BMP6: variants seen among roughly 807,000 people sequenced by gnomAD.
BMP6 encodes VG-1-R.
In BMP6, 17 loss-of-function variants were observed where a neutral mutation model predicts 54.1. The observed-to-expected ratio is 0.31, with a 90% confidence interval of 0.22 to 0.47. BMP6 has a LOEUF of 0.47. Ranked by LOEUF, BMP6 falls within the 20% of genes least tolerant of loss-of-function variation. The pLI is 1.00. For synonymous variants in BMP6, 328 were observed against 291.2 expected, an observed-to-expected ratio of 1.13 and a Z score of -1.28; for missense variants, 720 against 690.4, an observed-to-expected ratio of 1.04 and a Z score of -0.48.
intron 1 of BMP6, among the ~76,000 whole-genome samples, chr6:7,806,615 A>AC (rs1454636292): frequency 6.6e-6 from 1 of 152,040 alleles, no homozygotes; most frequent in Non-Finnish European, 1.5e-5. Context: ...ACAAAAAAAA[A>AC]CAAGTGATTT....
intron 1 of BMP6, among the ~76,000 whole-genome samples, chr6:7,741,235 C>CA (rs747664683): frequency 4.6e-5 from 7 of 152,166 alleles, no homozygotes; most frequent in Non-Finnish European, 8.8e-5. Flanking sequence ...CATTTGGGGC[C>CA]AAATGACAGG....
intron 3 of BMP6, among the ~76,000 whole-genome samples, chr6:7,861,855 C>CA (rs1422193992): frequency 1.3e-5 from 2 of 152,162 alleles, no homozygotes; most frequent in African/African-American, 4.8e-5. Flanking sequence ...GATGGGAGGA[C>CA]AGCTTTTCTA....
At chr6:7,798,509 T>C (rs1159195852) in intron 1 of BMP6, among the ~76,000 whole-genome samples, 1 of 152,210 alleles carries the variant, frequency 6.6e-6, no homozygotes, top group Non-Finnish European at 1.5e-5. Flanking sequence ...TCTCACATCA[T>C]TTTTGCAAAT....
At chr6:7,827,845 T>C (rs1758723344) in intron 1 of BMP6, among the ~76,000 whole-genome samples, 1 of 152,250 alleles carries the variant, frequency 6.6e-6, no homozygotes, top group Non-Finnish European at 1.5e-5. Flanking sequence ...ATCATTCTCG[T>C]CATCTGTGAG....
chr6:7,738,436 C>T (rs1761994627), intron 1 of BMP6, among the ~76,000 whole-genome samples: 1 of 152,204 alleles, frequency 6.6e-6, no homozygotes, highest in Non-Finnish European at 1.5e-5. Context: ...CCCCTTGGCT[C>T]TCCTCCCTCC....
At chr6:7,744,714 A>G (rs1290004852) in intron 1 of BMP6, among the ~76,000 whole-genome samples, 5 of 152,168 alleles carry the variant, frequency 3.3e-5, no homozygotes, top group African/African-American at 1.2e-4. Context: ...TGCCCTGAGC[A>G]TGGGTGGTCC....
chr6:7,826,636 A>G (rs188469367), intron 1 of BMP6, among the ~76,000 whole-genome samples: 3 of 152,324 alleles, frequency 2.0e-5, no homozygotes, highest in East Asian at 3.9e-4. Flanking sequence ...GGTTTGAACA[A>G]TCACCTGTGA....
At chr6:7,837,733 C>T (rs1455922975) in intron 1 of BMP6, among the ~76,000 whole-genome samples, 1 of 152,038 alleles carries the variant, frequency 6.6e-6, no homozygotes, top group Non-Finnish European at 1.5e-5. Flanking sequence ...TCCGAACCCA[C>T]CACTAAAAAA....
At chr6:7,796,891 A>G (rs1007109689) in intron 1 of BMP6, among the ~76,000 whole-genome samples, 5 of 152,188 alleles carry the variant, frequency 3.3e-5, no homozygotes, top group African/African-American at 1.2e-4. Context: ...AGCTATTCAA[A>G]TCTTTCTGGA....
At chr6:7,798,114 G>A (rs1758217431) in intron 1 of BMP6, among the ~76,000 whole-genome samples, 1 of 152,178 alleles carries the variant, frequency 6.6e-6, no homozygotes, top group African/African-American at 2.4e-5. Flanking sequence ...GTTTGGTGGG[G>A]TGTGAAGTAC....
chr6:7,800,014 T>C (rs537756482), intron 1 of BMP6, among the ~76,000 whole-genome samples: 43 of 152,240 alleles, frequency 2.8e-4, no homozygotes, highest in Admixed American at 2.2e-3. Flanking sequence ...GAGTTGTTTA[T>C]ATTAACTTTA....
At chr6:7,762,918 C>T (rs1434978519) in intron 1 of BMP6, among the ~76,000 whole-genome samples, 2 of 152,238 alleles carry the variant, frequency 1.3e-5, no homozygotes, top group African/African-American at 4.8e-5. Flanking sequence ...GTCCGTTTTG[C>T]AATGACGGTA....
At chr6:7,763,008 GC>G (rs1757637908) in intron 1 of BMP6, among the ~76,000 whole-genome samples, 1 of 152,230 alleles carries the variant, frequency 6.6e-6, no homozygotes, top group Non-Finnish European at 1.5e-5. Context: ...TGCGGCAGGC[GC>G]CCAGCTCTCC....
At chr6:7,850,176 T>C (rs1010921349) in intron 2 of BMP6, among the ~76,000 whole-genome samples, 2 of 152,160 alleles carry the variant, frequency 1.3e-5, no homozygotes, top group Admixed American at 1.3e-4. Context: ...AGAGTCTCGC[T>C]CTGTTGCCCA....
chr6:7,764,342 A>G (rs1757655047), intron 1 of BMP6, among the ~76,000 whole-genome samples: 2 of 152,218 alleles, frequency 1.3e-5, no homozygotes, highest in African/African-American at 4.8e-5. Flanking sequence ...CTAATTTTAA[A>G]ATAATCTGCA....
At chr6:7,869,001 T>G (rs540551334) in intron 4 of BMP6, among the ~76,000 whole-genome samples, 30 of 152,324 alleles carry the variant, frequency 2.0e-4, no homozygotes, top group African/African-American at 7.0e-4. Flanking sequence ...CCTCCTCTAC[T>G]GAAGTTGCAA....
Position 7,861,449 on chromosome 6 carries a change from A to T in BMP6, c.858-2A>T. 1 of 1,613,286 alleles carries T rather than the reference A, an allele frequency of 6.2e-7. No individual in the cohort carries two copies. Among genetic ancestry groups the T allele is most frequent in the Non-Finnish European group, 8.5e-7 (1 of 1,179,732 alleles). The stretch of plus-strand genomic sequence containing the variant: ...TACCAGGCCATTTTTTCTTTCTTTC[A>T]GAGACTCTGACCTGTTTTTGTTGGA... On this transcript the variant is annotated splice_acceptor_variant, in intron 2 of 6. Coordinates refer to ENST00000283147, the MANE Select transcript of BMP6 (RefSeq NM_001718.6). LOFTEE classifies it high-confidence loss of function.
intron 2 of BMP6, among the ~76,000 whole-genome samples, chr6:7,853,878 A>G (rs1180533551): frequency 6.7e-6 from 1 of 149,762 alleles, no homozygotes; most frequent in African/African-American, 2.5e-5. Flanking sequence ...AGGGCATATG[A>G]CTTATACCTA....
At chr6:7,731,369 A>G (rs1761854775) in intron 1 of BMP6, among the ~76,000 whole-genome samples, 1 of 152,200 alleles carries the variant, frequency 6.6e-6, no homozygotes, top group Non-Finnish European at 1.5e-5. Context: ...GCCACTCTAT[A>G]TAAACTGGTC....
Sources: gnomAD v4.1 joint callset for allele counts (sites outside exome capture counted in the v4.1 genomes callset) on GRCh38, gnomAD v4.1.1 for gene constraint, MANE v1.5 for transcripts, NCBI Gene and HGNC (gene_info 2026-07-23, HGNC 2026-07-21) for gene names.